GPR160: variants seen among roughly 807,000 people sequenced by gnomAD.
GPR160 encodes G protein-coupled receptor 160.
In GPR160, 2 loss-of-function variants were observed where a neutral mutation model predicts 2.6. The ratio of observed to expected loss-of-function variants is 0.77; its 90% CI spans 0.32 to 2.44. The LOEUF is 2.44. Ranked by LOEUF, GPR160 falls within the 30% of genes most tolerant of loss-of-function variation. GPR160 has a pLI of 0.11. For synonymous variants in GPR160, 130 were observed against 132.2 expected (o/e 0.98, Z 0.12); for missense variants, 351 against 383.6 (o/e 0.91, Z 0.71).
At chr3:170,043,543 A>G (rs888363892) in intron 2 of GPR160, among the ~76,000 whole-genome samples, 1 of 152,166 alleles carries the variant, frequency 6.6e-6, no homozygotes, top group Non-Finnish European at 1.5e-5. Context: ...CATTTTGCAA[A>G]TGGAAGTTGT....
At position 170,084,733 on chromosome 3, in the gene GPR160, C is replaced by T. The variant is rs748401347; in HGVS notation, c.761C>T (p.Pro254Leu). Residue 254 changes from proline to leucine, a missense_variant, in exon 4 of 4, where the codon CCA becomes CTA. Physicochemically the swap from Pro to Leu is moderately conservative, Grantham distance 98. Transcript: ENST00000355897. ...GTCTGTTTTCTCAGTACCTGGTTAC[C>T]ATTTGTACTACTTCAGGTAATCATT... ...LIVCFLSTWL[P>L]FVLLQVIIVL... 1.9e-6 allele frequency: 3 copies of T among 1,611,230 alleles called. No homozygotes were observed. Among genetic ancestry groups the T allele is most frequent in the Admixed American group, 3.3e-5 (2 of 59,960 alleles).
At chr3:170,064,162 T>C (rs547225512) in intron 2 of GPR160, among the ~76,000 whole-genome samples, 16 of 152,246 alleles carry the variant, frequency 1.1e-4, no homozygotes, top group Non-Finnish European at 1.9e-4. Flanking sequence ...CTAATCAAAA[T>C]TAGAGATTTG....
In GPR160 at chr3:170,084,787, A is replaced by G. The variant is rs757984039; in HGVS notation, c.815A>G (p.Tyr272Cys). ...TTACTTAAAGTTCAGATTCCAGCAT[A>G]TATTGAGATGAATATTCCCTGGTTA... ...IVLLKVQIPA[Y>C]IEMNIPWLYF... Residue 272 changes from tyrosine (Y) to cysteine (C), a missense_variant, in exon 4 of 4, where the codon TAT becomes TGT. Coordinates refer to ENST00000355897, the MANE Select transcript of GPR160 (RefSeq NM_014373.3). 14 of 1,604,502 alleles carry G rather than the reference A, an allele frequency of 8.7e-6. No individual in the cohort carries two copies. Among genetic ancestry groups the G allele is most frequent in the Middle Eastern group, 1.7e-4 (1 of 6,028 alleles).
chr3:170,050,499 C>T (rs1277950385), intron 2 of GPR160, among the ~76,000 whole-genome samples: 5 of 151,946 alleles, frequency 3.3e-5, no homozygotes, highest in Non-Finnish European at 7.4e-5. Flanking sequence ...CTCCACCTGC[C>T]AGGTTCAAGT....
At chr3:170,049,629 C>T (rs911786725) in intron 2 of GPR160, among the ~76,000 whole-genome samples, 1 of 152,206 alleles carries the variant, frequency 6.6e-6, no homozygotes, top group African/African-American at 2.4e-5. Context: ...ATGCCTCATT[C>T]GCATCACGCC....
intron 2 of GPR160, among the ~76,000 whole-genome samples, chr3:170,042,681 A>G (rs1231400100): frequency 1.3e-5 from 2 of 148,632 alleles, no homozygotes; most frequent in African/African-American, 4.9e-5. Context: ...AAAAAAATAA[A>G]TAAATAATAA....
At chr3:170,055,432 T>C (rs572853164) in intron 2 of GPR160, among the ~76,000 whole-genome samples, 7 of 152,312 alleles carry the variant, frequency 4.6e-5, no homozygotes, top group African/African-American at 1.7e-4. Context: ...ATAACCTCTC[T>C]GGTGGTTGAG....
chr3:170,041,317 T>C (rs1291006945), intron 2 of GPR160, among the ~76,000 whole-genome samples: 4 of 150,886 alleles, frequency 2.7e-5, no homozygotes, highest in Non-Finnish European at 5.9e-5. Flanking sequence ...TTTTTTTTTT[T>C]TTGAGACGGA....
intron 3 of GPR160, among the ~76,000 whole-genome samples, chr3:170,081,512 T>C (rs1242170814): frequency 6.6e-6 from 1 of 152,216 alleles, no homozygotes; most frequent in Non-Finnish European, 1.5e-5. Context: ...AGTTATCTTA[T>C]GACAGATTTA....
chr3:170,063,514 A>G (rs1712097972), intron 2 of GPR160, among the ~76,000 whole-genome samples: 1 of 145,010 alleles, frequency 6.9e-6, no homozygotes. Flanking sequence ...AGCCTGGGTG[A>G]CAGAGTGAGA....
intron 2 of GPR160, among the ~76,000 whole-genome samples, chr3:170,047,538 A>G (rs1716775984): frequency 6.6e-6 from 1 of 152,218 alleles, no homozygotes; most frequent in Non-Finnish European, 1.5e-5. Context: ...GAATTTTAAC[A>G]TAGTTGCTAT....
rs886583376 is a variant in GPR160 at position 170,038,652 on chromosome 3, A to ACGCG, written c.-321-250_-321-247dup. On this transcript the variant is annotated intron_variant, in intron 1 of 3. Transcript: ENST00000355897. This position sits in a 1 kb window ranked among gnomAD's most constrained non-coding sequence, Gnocchi z 5.3. ...CCCAGAGGTGAATAGTCTCACACAC[A>ACGCG]CGCGCGCGCGCGCGCGTGCGTGCAT... 5.3e-4 allele frequency: 80 copies of ACGCG among 151,214 alleles called. No homozygotes were observed. Among genetic ancestry groups the ACGCG allele is most frequent in the African/African-American group, 1.7e-3 (72 of 41,246 alleles). The allele number at this position is 151,214 out of a possible 1,614,324, so 9.4% of individuals were successfully genotyped here. A position where few individuals can be genotyped will look rare whatever the true frequency, so the allele number is the denominator to read the frequency against.
chr3:170,055,764 A>T (rs1207152438), intron 2 of GPR160, among the ~76,000 whole-genome samples: 1 of 152,040 alleles, frequency 6.6e-6, no homozygotes, highest in Non-Finnish European at 1.5e-5. Context: ...CCTCCTGAGT[A>T]GCTGGGACTG....
At chr3:170,044,768 T>G (rs570213228) in intron 2 of GPR160, among the ~76,000 whole-genome samples, 1 of 152,252 alleles carries the variant, frequency 6.6e-6, no homozygotes, top group South Asian at 2.1e-4. Context: ...TCCTAGGACT[T>G]GCAAAGGGCC....
rs554858152 is a variant in GPR160 at position 170,059,783 on chromosome 3, C to T, written c.-192-19991C>T. ...TGGTTTGCTGTACAGATTATCCCAT[C>T]ACCTAGGCATTAAGCCCAGCATCCA... is the stretch of plus-strand genomic sequence containing the variant. On this transcript the variant is annotated intron_variant, in intron 2 of 3. Coordinates refer to ENST00000355897, the MANE Select transcript of GPR160 (RefSeq NM_014373.3). 1.4e-3 allele frequency among the ~76,000 whole-genome samples: 210 copies of T among 152,152 alleles called. 3 individuals are homozygous for T. Among genetic ancestry groups the T allele is most frequent in the African/African-American group, 4.5e-3 (187 of 41,508 alleles).
rs946925795 is a variant in GPR160 at position 170,062,925 on chromosome 3, AC to A, written c.-192-16847del. The stretch of plus-strand genomic sequence containing the variant: ...CGGGGCGCCTTTGTGGTAGAAAAGC[AC>A]CGGAGCCTCACGGAGATCACCGACG... On this transcript the variant is annotated intron_variant, in intron 2 of 3. Coordinates refer to ENST00000355897, the MANE Select transcript of GPR160 (RefSeq NM_014373.3). 3.5e-5 allele frequency: 12 copies of A among 347,620 alleles called. No homozygotes were observed. The Admixed American group carries it at 4.2e-4, about 12-fold the overall frequency. The allele number at this position is 347,620 out of a possible 1,614,324, so 21.5% of individuals were successfully genotyped here.
intron 2 of GPR160, chr3:170,057,529 A>C (rs1711709405): frequency 6.6e-6 from 1 of 152,346 alleles, no homozygotes; most frequent in Middle Eastern, 3.4e-3. Context: ...GCTCCAGGGA[A>C]TGTAAATTGG....
At chr3:170,077,925 T>G (rs1368585291) in intron 2 of GPR160, 3 of 163,554 alleles carry the variant, frequency 1.8e-5, no homozygotes, top group African/African-American at 7.2e-5. Flanking sequence ...AAAACGAAGG[T>G]GAAGAGACTG....
chr3:170,076,113 G>T (rs12636119), intron 2 of GPR160, among the ~76,000 whole-genome samples: 3,795 of 152,272 alleles, frequency 0.025, 110 homozygotes, highest in East Asian at 0.16. Context: ...TATAGTGGTT[G>T]TATCTAGGGA....
Sources: gnomAD v4.1 joint callset for allele counts (sites outside exome capture counted in the v4.1 genomes callset) on GRCh38, gnomAD v4.1.1 for gene constraint, Gnocchi (gnomAD v3.1) non-coding constraint, MANE v1.5 for transcripts, NCBI Gene and HGNC (gene_info 2026-07-23, HGNC 2026-07-21) for gene names.